CNTN1: variants seen among roughly 807,000 people sequenced by gnomAD.
CNTN1 encodes the protein contactin-1.
CNTN1 carries 38 observed loss-of-function variants against 126.4 expected under a neutral mutation model. The observed-to-expected ratio is 0.30, with a 90% CI of 0.23 to 0.39. The LOEUF (loss-of-function observed/expected upper bound fraction) is 0.39, where lower values mean the gene tolerates loss of function less well. CNTN1 is among the 10% of genes least tolerant of loss of function. CNTN1 has a pLI of 1.00. For synonymous variants in CNTN1, 413 were observed against 422.6 expected (o/e 0.98, Z 0.28); for missense variants, 1,009 against 1,248.4 (o/e 0.81, Z 2.89).
intron 1 of CNTN1, among the ~76,000 whole-genome samples, chr12:40,892,613 T>G (rs1043937272): frequency 2.0e-5 from 3 of 152,018 alleles, no homozygotes; most frequent in East Asian, 1.9e-4. Flanking sequence ...AGTTAAGATA[T>G]TGTGCTTCGA....
At chr12:40,815,124 G>A (rs949379732) in intron 1 of CNTN1, among the ~76,000 whole-genome samples, 2 of 152,096 alleles carry the variant, frequency 1.3e-5, no homozygotes, top group Non-Finnish European at 2.9e-5. Flanking sequence ...GATTGTCTTG[G>A]CTATTTGAGG....
At chr12:40,700,930 A>G (rs1941579164) in intron 1 of CNTN1, among the ~76,000 whole-genome samples, 1 of 152,210 alleles carries the variant, frequency 6.6e-6, no homozygotes, top group Non-Finnish European at 1.5e-5. Flanking sequence ...GGATTTTTAA[A>G]GTTTATTATT....
intron 1 of CNTN1, among the ~76,000 whole-genome samples, chr12:40,801,501 G>A (rs1301463653): frequency 6.6e-6 from 1 of 151,974 alleles, no homozygotes; most frequent in African/African-American, 2.4e-5. Context: ...ATAAATTGAA[G>A]AAGGAAGTTT....
chr12:40,904,104 C>T (rs942968959), intron 1 of CNTN1, among the ~76,000 whole-genome samples: 2 of 152,192 alleles, frequency 1.3e-5, no homozygotes, highest in East Asian at 1.9e-4. Flanking sequence ...CTGCAAGCTC[C>T]GCCTCCTGGG....
chr12:40,780,175 A>G (rs748750438), intron 1 of CNTN1, among the ~76,000 whole-genome samples: 1 of 151,922 alleles, frequency 6.6e-6, no homozygotes, highest in Non-Finnish European at 1.5e-5. Flanking sequence ...TTCTCTGTGA[A>G]TTTTGTAATT....
At chr12:40,914,485 G>A (rs926547098) in intron 3 of CNTN1, among the ~76,000 whole-genome samples, 2 of 151,986 alleles carry the variant, frequency 1.3e-5, no homozygotes, top group African/African-American at 2.4e-5. Context: ...TTTCTAAACC[G>A]TCAAACAAAA....
intron 23 of CNTN1, among the ~76,000 whole-genome samples, chr12:41,045,061 G>A (rs1347771964): frequency 6.6e-6 from 1 of 151,876 alleles, no homozygotes; most frequent in African/African-American, 2.4e-5. Flanking sequence ...ATTTTTCTAT[G>A]AATGTTGATT....
chr12:40,936,659 A>G, intron 9 of CNTN1, 122 bp from the exon 10 acceptor site: 1 of 1,202,798 alleles, frequency 8.3e-7, no homozygotes, highest in South Asian at 1.2e-5. Context: ...TGAGTTCAGG[A>G]TGCATACACT....
intron 23 of CNTN1, among the ~76,000 whole-genome samples, chr12:41,068,763 A>G (rs1173387468): frequency 6.6e-6 from 1 of 152,202 alleles, no homozygotes; most frequent in Non-Finnish European, 1.5e-5. Flanking sequence ...AAATTAATGA[A>G]AACTGTTATA....
intron 1 of CNTN1, among the ~76,000 whole-genome samples, chr12:40,781,467 C>A (rs1939800711): frequency 6.6e-6 from 1 of 151,924 alleles, no homozygotes; most frequent in African/African-American, 2.4e-5. Flanking sequence ...GGTGAACTTT[C>A]CTCTCTTTTC....
chr12:40,940,159 G>A (rs1018258026), intron 12 of CNTN1, among the ~76,000 whole-genome samples: 4 of 152,064 alleles, frequency 2.6e-5, no homozygotes, highest in Non-Finnish European at 4.4e-5. Flanking sequence ...GGAGGGATGG[G>A]ATGTGTGGGT....
intron 23 of CNTN1, among the ~76,000 whole-genome samples, chr12:41,041,838 C>T (rs1169378355): frequency 1.3e-5 from 2 of 152,004 alleles, no homozygotes; most frequent in Admixed American, 1.3e-4. Context: ...AGCGGTCTAT[C>T]AATTTTGTTG....
At chr12:41,047,081 C>A (rs1207433277) in intron 23 of CNTN1, among the ~76,000 whole-genome samples, 1 of 151,940 alleles carries the variant, frequency 6.6e-6, no homozygotes, top group Non-Finnish European at 1.5e-5. Context: ...CTACCAAGAT[C>A]TCCCCTTTGC....
At chr12:40,972,071 T>C (rs1001167186) in intron 15 of CNTN1, 1 of 985,758 alleles carries the variant, frequency 1.0e-6, no homozygotes, top group Non-Finnish European at 1.2e-6. Flanking sequence ...AGTCCTACCA[T>C]GGCTCTGTAG....
At chr12:41,054,299 T>C (rs1949754862) in intron 23 of CNTN1, among the ~76,000 whole-genome samples, 1 of 151,872 alleles carries the variant, frequency 6.6e-6, no homozygotes, top group Admixed American at 6.6e-5. Context: ...GTAAACATAG[T>C]ATTATACATA....
intron 1 of CNTN1, among the ~76,000 whole-genome samples, chr12:40,720,747 T>C: frequency 6.6e-6 from 1 of 152,070 alleles, no homozygotes; most frequent in Non-Finnish European, 1.5e-5. Flanking sequence ...GCCAACATGG[T>C]GAAACCCTGT....
At chr12:40,949,031 C>A (rs771454794) in intron 14 of CNTN1, among the ~76,000 whole-genome samples, 3 of 151,978 alleles carry the variant, frequency 2.0e-5, no homozygotes, top group Non-Finnish European at 4.4e-5. Flanking sequence ...CTCACCCAAA[C>A]GTTATTTTCC....
At chr12:40,934,437 T>A (rs1247087507) in intron 9 of CNTN1, among the ~76,000 whole-genome samples, 2 of 151,956 alleles carry the variant, frequency 1.3e-5, no homozygotes, top group East Asian at 3.8e-4. Flanking sequence ...ATCTTTTTTT[T>A]TTTTTTTGAC....
At chr12:40,919,224 C>T (rs2136859613) in intron 4 of CNTN1, among the ~76,000 whole-genome samples, 1 of 152,204 alleles carries the variant, frequency 6.6e-6, no homozygotes, top group East Asian at 1.9e-4. Context: ...CCATATTTTT[C>T]AACAGTCTCA....
Sources: allele counts gnomAD v4.1 joint callset (sites outside exome capture counted in the v4.1 genomes callset), GRCh38; gene constraint gnomAD v4.1.1; transcripts MANE v1.5; gene names NCBI Gene and HGNC (gene_info 2026-07-23, HGNC 2026-07-21).